Variants in LPIN1 observed in about 807,000 individuals in gnomAD.
LPIN1 encodes the protein lipin 1.
In LPIN1, 71 loss-of-function variants were observed where a neutral mutation model predicts 107.5. The ratio of observed to expected loss-of-function variants is 0.66; its 90% CI spans 0.55 to 0.80. The LOEUF is 0.80. LPIN1 is among the 30% of genes least tolerant of loss of function. The pLI, the probability that LPIN1 is intolerant of heterozygous loss-of-function variation, is 0.00. For missense variants in LPIN1, 1,043 were observed against 1,160.6 expected (o/e 0.90, Z 1.47); for synonymous variants, 445 against 452.6 (o/e 0.98, Z 0.21).
chr2:11,725,282 A>C (rs1283392566), intron 1 of LPIN1, among the ~76,000 whole-genome samples: 1 of 150,194 alleles, frequency 6.7e-6, no homozygotes, highest in Non-Finnish European at 1.5e-5. Flanking sequence ...CAAAAACAAA[A>C]ACAAACAAAC....
chr2:11,706,838 G>T (rs1663152178), intron 1 of LPIN1, among the ~76,000 whole-genome samples: 1 of 152,176 alleles, frequency 6.6e-6, no homozygotes, highest in East Asian at 1.9e-4. Context: ...ATGTTTCTAG[G>T]TAATCTGACA....
At position 11,782,327 on chromosome 2, in the gene LPIN1, G is replaced by T; in HGVS notation, c.1084G>T (p.Val362Phe). Reference protein sequence around the residue: ...DTFSDQSPTLVGGALLDQNKP... With the variant: ...DTFSDQSPTLFGGALLDQNKP... ...TTTTAGTGACCAATCGCCAACTCTG[G>T]TCGGTGGGGCACTTTTGGACCAGAA... Residue 362 changes from valine to phenylalanine, a missense_variant, in exon 8 of 21, where the codon GTC becomes TTC. Val to Phe is a conservative substitution (Grantham distance 50, BLOSUM62 -1). Transcript: ENST00000674199. 1 of 1,614,196 alleles carries T rather than the reference G, an allele frequency of 6.2e-7. No individual in the cohort carries two copies. The highest frequency in any genetic ancestry group is 8.5e-7 in the Non-Finnish European group (1 of 1,180,038).
intron 1 of LPIN1, among the ~76,000 whole-genome samples, chr2:11,694,313 G>A (rs1662461670): frequency 6.6e-6 from 1 of 152,096 alleles, no homozygotes; most frequent in Admixed American, 6.5e-5. Flanking sequence ...ATTGTTACTC[G>A]AGCCTATCTG....
At chr2:11,799,399 T>G (rs1205869878) in intron 14 of LPIN1, among the ~76,000 whole-genome samples, 1 of 149,452 alleles carries the variant, frequency 6.7e-6, no homozygotes, top group African/African-American at 2.5e-5. Context: ...GGTTGGAACA[T>G]AAACATTTTC....
intron 3 of LPIN1, among the ~76,000 whole-genome samples, chr2:11,770,952 TTCTC>T (rs979521075): frequency 8.8e-6 from 1 of 113,890 alleles, no homozygotes; most frequent in African/African-American, 2.7e-5. Context: ...TTCTCTGTCT[TTCTC>T]TCACACCCAC....
chr2:11,780,880 T>G (rs1379818715), intron 7 of LPIN1, among the ~76,000 whole-genome samples: 2 of 152,224 alleles, frequency 1.3e-5, no homozygotes, highest in East Asian at 3.8e-4. Flanking sequence ...TGAGCCCCAG[T>G]TTCCCTATCT....
intron 2 of LPIN1, 73 bp from the exon 3 acceptor site, chr2:11,767,690 T>G: frequency 1.1e-6 from 1 of 923,256 alleles, no homozygotes; most frequent in Non-Finnish European, 1.8e-6. Context: ...CTGTGGAGAC[T>G]TGGCCGTCCC....
intron 12 of LPIN1, 58 bp downstream of exon 12, chr2:11,788,514 G>A: frequency 7.6e-7 from 1 of 1,316,256 alleles, no homozygotes; most frequent in Admixed American, 1.7e-5. Context: ...AGCTTAATCT[G>A]GGGTGGTTGG....
At chr2:11,710,041 G>T (rs1449461641) in intron 1 of LPIN1, among the ~76,000 whole-genome samples, 1 of 152,188 alleles carries the variant, frequency 6.6e-6, no homozygotes, top group Non-Finnish European at 1.5e-5. Flanking sequence ...GCTTCATTGA[G>T]TATCTGCCGT....
intron 17 of LPIN1, among the ~76,000 whole-genome samples, chr2:11,811,725 G>A (rs746182555): frequency 1.3e-5 from 2 of 152,228 alleles, no homozygotes; most frequent in Non-Finnish European, 2.9e-5. Context: ...AGAGGCTCAG[G>A]CCTGTAATCC....
chr2:11,677,603 C>A, exon 1 of LPIN1: 1 of 1,404,818 alleles, frequency 7.1e-7, no homozygotes, highest in Non-Finnish European at 9.7e-7. Context: ...ACATTTCTCT[C>A]CTGATGCTGG....
At chr2:11,798,684 A>T (rs1037121782) in intron 14 of LPIN1, among the ~76,000 whole-genome samples, 2 of 152,192 alleles carry the variant, frequency 1.3e-5, no homozygotes, top group African/African-American at 4.8e-5. Context: ...GATTTTGAAA[A>T]GAATATAAAG....
At chr2:11,806,606 G>C (rs933661793) in intron 17 of LPIN1, among the ~76,000 whole-genome samples, 1 of 152,090 alleles carries the variant, frequency 6.6e-6, no homozygotes, top group Admixed American at 6.6e-5. Context: ...AAAAGCTTCA[G>C]ATGTCATCTT....
chr2:11,755,209 C>A (rs1202891187), intron 1 of LPIN1, among the ~76,000 whole-genome samples: 1 of 151,998 alleles, frequency 6.6e-6, no homozygotes, highest in Admixed American at 6.6e-5. Context: ...CCTCGTGATC[C>A]GCCCGCCTCA....
chr2:11,781,303 C>T (rs1258249151), intron 7 of LPIN1, among the ~76,000 whole-genome samples: 1 of 152,244 alleles, frequency 6.6e-6, no homozygotes, highest in East Asian at 1.9e-4. Context: ...ACCCAGCCAA[C>T]TCTCTTTGCA....
chr2:11,819,775 T>C (rs892107273), intron 19 of LPIN1, among the ~76,000 whole-genome samples, 177 bp downstream of exon 19: 3 of 152,300 alleles, frequency 2.0e-5, no homozygotes, highest in East Asian at 1.9e-4. Context: ...AATTATCTTA[T>C]GGCTTCCAGG....
chr2:11,770,216 G>A (rs1480091621), intron 3 of LPIN1, among the ~76,000 whole-genome samples: 1 of 152,230 alleles, frequency 6.6e-6, no homozygotes, highest in Non-Finnish European at 1.5e-5. Flanking sequence ...CGTGCAGCGG[G>A]ACCTGTATGG....
chr2:11,686,422 G>T (rs963926686), intron 1 of LPIN1, among the ~76,000 whole-genome samples: 3 of 152,200 alleles, frequency 2.0e-5, no homozygotes, highest in African/African-American at 7.2e-5. Context: ...GGTGAAACAG[G>T]AGAGGAGGGC....
chr2:11,788,502 G>A, intron 12 of LPIN1, 46 bp downstream of exon 12: 1 of 1,420,982 alleles, frequency 7.0e-7, no homozygotes, highest in Non-Finnish European at 1.0e-6. Context: ...GAAATGATGG[G>A]TAGCTTAATC....
Sources: gnomAD v4.1 joint callset for allele counts (sites outside exome capture counted in the v4.1 genomes callset) on GRCh38, gnomAD v4.1.1 for gene constraint, MANE v1.5 for transcripts, NCBI Gene and HGNC (gene_info 2026-07-23, HGNC 2026-07-21) for gene names.